Variants in CCSER1 observed in about 807,000 individuals in gnomAD.
CCSER1 encodes serine-rich coiled-coil domain-containing protein 1.
A neutral mutation model predicts 82.0 loss-of-function variants in CCSER1; 41 were observed. The observed-to-expected ratio is 0.50, with a 90% CI of 0.39 to 0.65. The LOEUF is 0.65. Among genes scored for constraint, CCSER1 ranks in the 30% least tolerant of loss-of-function variants. The pLI is 0.00. For synonymous variants in CCSER1, 414 were observed against 383.9 expected (o/e 1.08, Z -0.92); for missense variants, 1,119 against 1,064.2 (o/e 1.05, Z -0.72).
intron 1 of CCSER1, among the ~76,000 whole-genome samples, chr4:90,151,292 A>T (rs1016208399): frequency 1.3e-5 from 2 of 152,088 alleles, no homozygotes; most frequent in African/African-American, 4.8e-5. Context: ...TATATTTTAG[A>T]TTTATTAATG....
chr4:90,634,911 C>T (rs1286657188), intron 6 of CCSER1, among the ~76,000 whole-genome samples: 1 of 151,608 alleles, frequency 6.6e-6, no homozygotes, highest in Non-Finnish European at 1.5e-5. Context: ...CATCAAATGG[C>T]AGAAAGTTAG....
Position 90,715,346 on chromosome 4 carries a change from T to C in CCSER1, c.1933-8568T>C, listed in dbSNP as rs150546419. ...CTAAGGACCAATTTCTGATTTCTTC[T>C]GTGAGATTCACTCTGAAGGGATGAG... On this transcript the variant is annotated intron_variant, in intron 6 of 10. Coordinates refer to ENST00000509176, the MANE Select transcript of CCSER1 (RefSeq NM_001145065.2). Among the ~76,000 whole-genome samples, 622 of 152,140 alleles carry C rather than the reference T, an allele frequency of 4.1e-3. 2 individuals are homozygous for C. Among genetic ancestry groups the C allele is most frequent in the African/African-American group, 0.014 (598 of 41,548 alleles).
At chr4:91,298,951 G>C (rs1744447424) in intron 10 of CCSER1, among the ~76,000 whole-genome samples, 2 of 151,914 alleles carry the variant, frequency 1.3e-5, no homozygotes, top group South Asian at 4.1e-4. Flanking sequence ...AGCAGCACCA[G>C]CAGCAGCAGC....
At chr4:90,132,635 A>T (rs1722998603) in intron 1 of CCSER1, among the ~76,000 whole-genome samples, 1 of 152,164 alleles carries the variant, frequency 6.6e-6, no homozygotes, top group Non-Finnish European at 1.5e-5. Context: ...AAATTTTTTT[A>T]AAAGGTGTTT....
chr4:91,037,867 C>T (rs760410815), intron 9 of CCSER1, among the ~76,000 whole-genome samples: 1 of 151,846 alleles, frequency 6.6e-6, no homozygotes, highest in Non-Finnish European at 1.5e-5. Flanking sequence ...TATAATGAAT[C>T]AATTTTTCTG....
At chr4:90,548,599 G>T (rs1485134464) in intron 5 of CCSER1, among the ~76,000 whole-genome samples, 1 of 152,008 alleles carries the variant, frequency 6.6e-6, no homozygotes. Flanking sequence ...CTTCAGCCTA[G>T]TATGACGTGT....
chr4:91,121,027 T>G (rs558242321), intron 10 of CCSER1, among the ~76,000 whole-genome samples: 1 of 151,954 alleles, frequency 6.6e-6, no homozygotes, highest in Non-Finnish European at 1.5e-5. Flanking sequence ...TAGAAATGGA[T>G]GTTTAATAAA....
At chr4:90,398,742 A>G (rs1357620215) in intron 3 of CCSER1, among the ~76,000 whole-genome samples, 1 of 152,140 alleles carries the variant, frequency 6.6e-6, no homozygotes, top group Admixed American at 6.6e-5. Context: ...TTATAGTTTA[A>G]GTTATTCATT....
rs998320349 is a variant in CCSER1, at chr4:90,868,608, G to A, written c.2094+52763G>A. The stretch of plus-strand genomic sequence containing the variant: ...TTCTTTATCTGTTCCTCTGTCGATA[G>A]ACACTTCAGTTGCTTCCAAATACTG... On this transcript the variant is annotated intron_variant, in intron 8 of 10. Coordinates refer to ENST00000509176, the MANE Select transcript of CCSER1 (RefSeq NM_001145065.2). Among the ~76,000 whole-genome samples the A allele has an allele frequency of 6.7e-4, 102 of 152,000 alleles. 2 individuals carry two copies. Among genetic ancestry groups the A allele is most frequent in the Admixed American group, 7.2e-4 (11 of 15,244 alleles).
chr4:90,648,292 A>AGAAAGAAAGAAAG (rs1553969710), intron 6 of CCSER1, among the ~76,000 whole-genome samples: 14 of 130,396 alleles, frequency 1.1e-4, no homozygotes, highest in African/African-American at 3.9e-4. Flanking sequence ...AAGGAAAGAA[A>AGAAAGAAAGAAAG]GAAAGAAAGA....
At chr4:90,147,552 G>A (rs79816130) in intron 1 of CCSER1, among the ~76,000 whole-genome samples, 677 of 152,212 alleles carry the variant, frequency 4.4e-3, no homozygotes, top group Non-Finnish European at 7.0e-3. Context: ...AGATAATTTT[G>A]TGAAATGCAC....
intron 6 of CCSER1, among the ~76,000 whole-genome samples, chr4:90,700,834 TG>T (rs1460914863): frequency 3.3e-5 from 5 of 152,220 alleles, no homozygotes; most frequent in Admixed American, 1.3e-4. Context: ...TTGATGGGGT[TG>T]TTTTTTTCTT....
chr4:91,490,254 G>T (rs1003272578), intron 10 of CCSER1, among the ~76,000 whole-genome samples: 1 of 152,076 alleles, frequency 6.6e-6, no homozygotes, highest in Non-Finnish European at 1.5e-5. Flanking sequence ...ATACCCCGAA[G>T]AAAGAAAAAC....
chr4:91,415,697 G>A (rs745781196), intron 10 of CCSER1, among the ~76,000 whole-genome samples: 19 of 152,050 alleles, frequency 1.2e-4, no homozygotes, highest in Admixed American at 1.3e-4. Flanking sequence ...TTTCGTTTAT[G>A]TGATGAATTA....
chr4:91,572,557 T>G (rs1258678886), intron 10 of CCSER1, among the ~76,000 whole-genome samples: 1 of 152,126 alleles, frequency 6.6e-6, no homozygotes, highest in Admixed American at 6.5e-5. Context: ...GAGATTGCTA[T>G]CCCAGGGAGA....
At chr4:90,230,841 C>T (rs1322905953) in intron 1 of CCSER1, among the ~76,000 whole-genome samples, 4 of 152,162 alleles carry the variant, frequency 2.6e-5, no homozygotes, top group Non-Finnish European at 4.4e-5. Flanking sequence ...ATACTACAAA[C>T]ACCTCTACGC....
intron 10 of CCSER1, among the ~76,000 whole-genome samples, chr4:91,131,929 A>G (rs1157872017): frequency 6.6e-6 from 1 of 151,924 alleles, no homozygotes; most frequent in African/African-American, 2.4e-5. Context: ...AATCATCGAA[A>G]ATCTCTGAGC....
At chr4:90,675,160 G>A (rs1245509837) in intron 6 of CCSER1, among the ~76,000 whole-genome samples, 1 of 151,934 alleles carries the variant, frequency 6.6e-6, no homozygotes, top group Non-Finnish European at 1.5e-5. Flanking sequence ...TCATAAGACT[G>A]TGACGAGGAT....
At chr4:90,175,980 G>T (rs1025884649) in intron 1 of CCSER1, among the ~76,000 whole-genome samples, 14 of 151,884 alleles carry the variant, frequency 9.2e-5, no homozygotes, top group Middle Eastern at 3.2e-3. Flanking sequence ...AGGTGGGTAT[G>T]GTATCAATAG....
Sources: allele counts gnomAD v4.1 joint callset (sites outside exome capture counted in the v4.1 genomes callset), GRCh38; gene constraint gnomAD v4.1.1; transcripts MANE v1.5; gene names NCBI Gene and HGNC (gene_info 2026-07-23, HGNC 2026-07-21).